Variants in STAT5B observed in about 807,000 individuals in gnomAD.
STAT5B encodes the protein signal transducer and activator of transcription 5B.
A neutral mutation model predicts 107.8 loss-of-function variants in STAT5B; 21 were observed. The observed-to-expected ratio is 0.19, with a 90% CI of 0.14 to 0.28. The LOEUF is 0.28. STAT5B is among the 10% of genes least tolerant of loss of function. The pLI is 1.00. For missense variants in STAT5B, 565 were observed against 1,008.2 expected (o/e 0.56, Z 5.95); for synonymous variants, 325 against 401.7 (o/e 0.81, Z 2.28).
At chr17:42,287,449 G>T in the STAT5B span, 9 of 152,300 alleles carry the variant, frequency 5.9e-5, no homozygotes, top group African/African-American at 1.9e-4. Flanking sequence ...AGAGGAGAGG[G>T]AAGCTGGGCA....
chr17:42,207,921 A>C (rs1237263534), intron 15 of STAT5B, among the ~76,000 whole-genome samples, 193 bp from the exon 16 acceptor site: 1 of 152,184 alleles, frequency 6.6e-6, no homozygotes, highest in Non-Finnish European at 1.5e-5. Context: ...TTTGAGACGG[A>C]GTCTCACTCT....
intron 1 of STAT5B, among the ~76,000 whole-genome samples, chr17:42,262,918 G>A (rs910128787): frequency 2.7e-4 from 26 of 96,260 alleles, no homozygotes; most frequent in African/African-American, 8.6e-4. Context: ...GTATATATAT[G>A]TGTGTATATA....
chr17:42,202,343 T>C lies in STAT5B; in HGVS notation c.2234A>G (p.Gln745Arg), dbSNP rs2080051759. The C allele has an allele frequency of 6.2e-7, 1 of 1,614,220 alleles. No homozygotes were observed. Among genetic ancestry groups the C allele is most frequent in the African/African-American group, 1.3e-5 (1 of 75,064 alleles). Residue 745 changes from glutamine to arginine, a missense_variant, in exon 18 of 19, where the codon CAG (glutamine) becomes CGG (arginine). Gln to Arg is a conservative substitution (Grantham distance 43, BLOSUM62 1). This residue lies in a region of STAT5B where 76 missense variants were observed against 110.2 expected (regional missense o/e 0.69). Coordinates refer to ENST00000293328, the MANE Select transcript of STAT5B (RefSeq NM_012448.4). ...CCCCCACAAGAATGCCACCTACTTC[T>C]GTGGGTACATGTTATAGTGAGCCTG... is the stretch of plus-strand genomic sequence containing the variant. ...CPQAHYNMYP[Q>R]NPDSVLDTDG...
chr17:42,224,977 A>G, intron 3 of STAT5B, 109 bp from the exon 4 acceptor site: 1 of 1,028,768 alleles, frequency 9.7e-7, no homozygotes, highest in South Asian at 1.3e-5. Context: ...CACAGGAGGC[A>G]CTGTTCCTCC....
chr17:42,248,357 A>G (rs747705841), intron 1 of STAT5B, among the ~76,000 whole-genome samples: 65 of 146,414 alleles, frequency 4.4e-4, no homozygotes, highest in Non-Finnish European at 8.3e-4. Flanking sequence ...AGCAAATCAA[A>G]ATGTTTGTCC....
Position 42,218,199 on chromosome 17 carries a change from A to G in STAT5B, c.1121T>C (p.Ile374Thr). The change falls in exon 9 of 19, where the codon ATC becomes ACC. Residue 374 changes from isoleucine to threonine, a missense_variant. This residue lies in a region of STAT5B where 70 missense variants were observed against 73.2 expected (regional missense o/e 0.96). Coordinates refer to ENST00000293328, the MANE Select transcript of STAT5B (RefSeq NM_012448.4). The part of the protein sequence containing the change: ...MNPPQVKATI[I>T]SEQQAKSLLK... ...CAGAGACTTGGCCTGCTGCTCACTGATGATGGTGGCCTTCACCTGGGGGGG... is the reference window on the plus strand; with the variant it reads ...CAGAGACTTGGCCTGCTGCTCACTGGTGATGGTGGCCTTCACCTGGGGGGG... 6.2e-7 allele frequency: 1 copy of G among 1,614,088 alleles called. No individual in the cohort carries two copies. Among genetic ancestry groups the G allele is most frequent in the Non-Finnish European group, 8.5e-7 (1 of 1,180,006 alleles).
intron 1 of STAT5B, among the ~76,000 whole-genome samples, chr17:42,263,871 GCACACACACACACA>G (rs3222522): frequency 9.3e-4 from 135 of 145,028 alleles, no homozygotes; most frequent in African/African-American, 2.4e-3. Flanking sequence ...TAGAAAGCGC[GCACACACACACACA>G]CACACACACA....
At chr17:42,222,835 C>T (rs186815140) in intron 5 of STAT5B, among the ~76,000 whole-genome samples, 46 of 151,944 alleles carry the variant, frequency 3.0e-4, no homozygotes, top group African/African-American at 1.1e-3. Flanking sequence ...GCATGCGCCA[C>T]TGGGATGCCC....
Position 42,212,094 on chromosome 17 carries a change from C to T in STAT5B, c.1570G>A (p.Gly524Ser). 6.2e-7 allele frequency: 1 copy of T among 1,614,088 alleles called. No individual in the cohort carries two copies. Among genetic ancestry groups the T allele is most frequent in the South Asian group, 1.1e-5 (1 of 91,078 alleles). ...KFKAEVQSNR[G>S]LTKENLVFLA... Reference sequence around the variant, plus strand: ...AACACGAGGTTCTCCTTGGTCAGGCCCCGGTTGCTCTGCACTTCGGCCTTG... The same window carrying T: ...AACACGAGGTTCTCCTTGGTCAGGCTCCGGTTGCTCTGCACTTCGGCCTTG... Residue 524 changes from glycine to serine, a missense_variant, in exon 13 of 19, where the codon GGC (glycine) becomes AGC (serine). Around this residue, in one of 11 missense-constraint regions of STAT5B, gnomAD observed 127 missense variants for 215.8 expected, o/e 0.59. Coordinates refer to ENST00000293328, the MANE Select transcript of STAT5B (RefSeq NM_012448.4).
rs911905129 is a variant in STAT5B, at chr17:42,199,276, T to A, written c.*2462A>T. The A allele has an allele frequency of 6.6e-6, 1 of 151,554 alleles. No individual in the cohort carries two copies. Among genetic ancestry groups the A allele is most frequent in the Non-Finnish European group, 1.5e-5 (1 of 68,024 alleles). 9.4% of individuals were successfully genotyped at this position (151,554 alleles called of 1,614,324 possible). A position where few individuals can be genotyped will look rare whatever the true frequency, so the allele number is the denominator to read the frequency against. On this transcript the variant is annotated 3_prime_UTR_variant, in exon 19 of 19. Coordinates refer to ENST00000293328, the MANE Select transcript of STAT5B (RefSeq NM_012448.4). ...CTTTTTTTTGAGGCAGAGTCAAATT[T>A]GAGGCCCCAAATTGTACACAATACT...
At chr17:42,211,448 G>A (rs966331683) in intron 13 of STAT5B, among the ~76,000 whole-genome samples, 14 of 152,160 alleles carry the variant, frequency 9.2e-5, no homozygotes, top group African/African-American at 3.1e-4. Context: ...GGCGGTTGCG[G>A]TGAGCCAAGA....
chr17:42,218,923 G>C (rs2467651), intron 7 of STAT5B, 45 bp from the exon 8 acceptor site: 3 of 1,613,514 alleles, frequency 1.9e-6, no homozygotes, highest in Admixed American at 3.3e-5. Flanking sequence ...TGGCTCCTCC[G>C]CACAGACGCC....
At chr17:42,216,882 T>C (rs908166059) in intron 11 of STAT5B, among the ~76,000 whole-genome samples, 6 of 151,312 alleles carry the variant, frequency 4.0e-5, no homozygotes, top group Admixed American at 4.0e-4. Context: ...TTTCACTGTG[T>C]TAGCCAGGCT....
At chr17:42,211,455 A>G (rs189119105) in intron 13 of STAT5B, among the ~76,000 whole-genome samples, 66 of 152,274 alleles carry the variant, frequency 4.3e-4, no homozygotes, top group African/African-American at 1.5e-3. Context: ...GCGGTGAGCC[A>G]AGATCGTGCC....
At chr17:42,282,893 T>C in the STAT5B span, among the ~76,000 whole-genome samples, 1 of 152,190 alleles carries the variant, frequency 6.6e-6, no homozygotes, top group African/African-American at 2.4e-5. Flanking sequence ...AAGGGGCTAG[T>C]GCTTGGAGTT....
At position 42,202,399 on chromosome 17, in the gene STAT5B, C is replaced by A. The variant is rs768971207; in HGVS notation, c.2178G>T (p.Met726Ile). Residue 726 changes from methionine (M) to isoleucine (I), a missense_variant, in exon 18 of 19, where the codon ATG (methionine) becomes ATT (isoleucine). This residue lies in a region of STAT5B where 76 missense variants were observed against 110.2 expected (regional missense o/e 0.69). Transcript: ENST00000293328. Reference protein sequence around the residue: ...ADAGGGSATYMDQAPSPAVCP... With the variant: ...ADAGGGSATYIDQAPSPAVCP... ...ACACAGCTGGGGAGGGGGCCTGGTC[C>A]ATGTACGTGGCGCTGCCGCCCCCGG... 1 of 1,614,130 alleles carries A rather than the reference C, an allele frequency of 6.2e-7. No individual in the cohort carries two copies.
At chr17:42,250,134 C>G (rs936510556) in intron 1 of STAT5B, among the ~76,000 whole-genome samples, 1 of 152,158 alleles carries the variant, frequency 6.6e-6, no homozygotes, top group East Asian at 1.9e-4. Context: ...ACTATCTACA[C>G]AAAACTTGCG....
At chr17:42,242,792 A>G (rs1012145176) in intron 1 of STAT5B, among the ~76,000 whole-genome samples, 19 of 152,070 alleles carry the variant, frequency 1.2e-4, no homozygotes, top group Non-Finnish European at 2.2e-4. Context: ...ACATGGTGAA[A>G]CCCTGTCTCT....
intron 13 of STAT5B, among the ~76,000 whole-genome samples, chr17:42,211,233 A>G (rs1217746897): frequency 6.6e-6 from 1 of 150,844 alleles, no homozygotes; most frequent in Non-Finnish European, 1.5e-5. Context: ...TAGGGTGGGC[A>G]CAGTGGACTC....
Sources: allele counts gnomAD v4.1 joint callset (sites outside exome capture counted in the v4.1 genomes callset), GRCh38; gene constraint gnomAD v4.1.1; regional missense constraint gnomAD v4.1.1; transcripts MANE v1.5; gene names NCBI Gene and HGNC (gene_info 2026-07-23, HGNC 2026-07-21).